STT3B: variants seen among roughly 807,000 people sequenced by gnomAD.
STT3B encodes dolichyl-diphosphooligosaccharide--protein glycosyltransferase subunit STT3B.
In STT3B, 29 loss-of-function variants were observed where a neutral mutation model predicts 96.8. The ratio of observed to expected loss-of-function variants is 0.30; its 90% CI spans 0.22 to 0.41. The LOEUF (loss-of-function observed/expected upper bound fraction) is 0.41, where lower values mean the gene tolerates loss of function less well. STT3B is among the 10% of genes least tolerant of loss of function. The pLI is 1.00. For synonymous variants in STT3B, 367 were observed against 360.0 expected, an observed-to-expected ratio of 1.02 and a Z score of -0.22; for missense variants, 640 against 1,022.3, an observed-to-expected ratio of 0.63 and a Z score of 5.10.
At chr3:31,601,521 G>C (rs1698927727) in intron 5 of STT3B, among the ~76,000 whole-genome samples, 1 of 152,190 alleles carries the variant, frequency 6.6e-6, no homozygotes, top group Admixed American at 6.5e-5. Context: ...ACAGAAAGTA[G>C]AGTTTGTGGG....
rs374392339 is a variant in STT3B, at chr3:31,618,142, T to C, written c.1172+154T>C. Among the ~76,000 whole-genome samples, 5 of 152,238 alleles carry C rather than the reference T, an allele frequency of 3.3e-5. No homozygotes were observed. In the South Asian group the frequency reaches 6.2e-4, roughly 19 times the overall value. ...TAAATGTTAAATTCCTTTTACTTTA[T>C]CTTGTTATGATACCTGTTCTGAATG... On this transcript the variant is annotated intron_variant, in intron 8 of 15. Transcript: ENST00000295770.
chr3:31,633,475 T>G (rs1374156172), intron 15 of STT3B, among the ~76,000 whole-genome samples: 1 of 152,202 alleles, frequency 6.6e-6, no homozygotes, highest in Non-Finnish European at 1.5e-5. Context: ...AATTCTCATC[T>G]TTTGAGCAGA....
intron 5 of STT3B, among the ~76,000 whole-genome samples, chr3:31,602,090 C>T (rs552022276): frequency 6.6e-6 from 1 of 152,240 alleles, no homozygotes; most frequent in African/African-American, 2.4e-5. Flanking sequence ...TGCCACTGCA[C>T]TCCAGCCTGG....
intron 1 of STT3B, among the ~76,000 whole-genome samples, chr3:31,547,517 A>C (rs1697445731): frequency 6.6e-6 from 1 of 152,112 alleles, no homozygotes; most frequent in African/African-American, 2.4e-5. Context: ...ATGGTGGTGC[A>C]TGCCTGTAAT....
rs149445791 is a variant in STT3B at position 31,629,186 on chromosome 3, C to T, written c.2074-112C>T. On this transcript the variant is annotated intron_variant, in intron 13 of 15. Transcript: ENST00000295770. ...TTTTTTGAGGTGTAACTGAATATGG[C>T]TTTATAAAGATACCTCAGAAGCTTA... The T allele has an allele frequency of 1.4e-3, 920 of 677,900 alleles. 4 individuals are homozygous for T. The African/African-American group carries it at 0.016, about 12-fold the overall frequency. The allele number at this position is 677,900 out of a possible 1,614,324, so 42.0% of individuals were successfully genotyped here.
Position 31,617,962 on chromosome 3 carries a change from C to T in STT3B, c.1146C>T (p.Gly382=), listed in dbSNP as rs1168382830. The part of the protein sequence containing the change: ...TYTGYIAPWS[G]RFYSLWDTGY... ...AAGGTTACATTGCACCATGGAGTGGCAGGTTTTATTCATTGTGGGATACTG... is the reference window on the plus strand; with the variant it reads ...AAGGTTACATTGCACCATGGAGTGGTAGGTTTTATTCATTGTGGGATACTG... The change falls in exon 8 of 16, where the codon GGC becomes GGT. Residue 382 remains glycine, a synonymous_variant. Transcript: ENST00000295770. 8 of 1,606,532 alleles carry T rather than the reference C, an allele frequency of 5.0e-6. No homozygotes were observed. The highest frequency in any genetic ancestry group is 1.7e-5 in the Admixed American group (1 of 59,914).
At chr3:31,543,459 A>G (rs1192308600) in intron 1 of STT3B, among the ~76,000 whole-genome samples, 1 of 152,238 alleles carries the variant, frequency 6.6e-6, no homozygotes, top group Non-Finnish European at 1.5e-5. Flanking sequence ...ACACAGTATT[A>G]GGAACATAGT....
At chr3:31,606,046 G>GAA (rs1189937792) in intron 5 of STT3B, among the ~76,000 whole-genome samples, 2 of 152,234 alleles carry the variant, frequency 1.3e-5, no homozygotes, top group Admixed American at 6.5e-5. Flanking sequence ...CTGCCCTAGA[G>GAA]ATTTGTGGAA....
At chr3:31,574,782 T>C (rs1261428964) in intron 1 of STT3B, among the ~76,000 whole-genome samples, 2 of 152,176 alleles carry the variant, frequency 1.3e-5, no homozygotes, top group Admixed American at 6.5e-5. Flanking sequence ...ATTTTGTCAT[T>C]CCTTTGTAGA....
intron 2 of STT3B, among the ~76,000 whole-genome samples, chr3:31,577,788 A>G (rs1285052532): frequency 2.0e-5 from 3 of 152,146 alleles, no homozygotes; most frequent in Admixed American, 6.6e-5. Flanking sequence ...AATGGGTAGT[A>G]CATACGGCAG....
At chr3:31,549,746 T>C (rs1437299523) in intron 1 of STT3B, among the ~76,000 whole-genome samples, 2 of 152,198 alleles carry the variant, frequency 1.3e-5, no homozygotes, top group Admixed American at 6.5e-5. Context: ...ATAACATGTT[T>C]ACATATAATA....
chr3:31,616,751 AT>A (rs1253938772), intron 6 of STT3B, among the ~76,000 whole-genome samples, 177 bp from the exon 7 acceptor site: 2 of 151,950 alleles, frequency 1.3e-5, no homozygotes, highest in East Asian at 3.9e-4. Context: ...AAGTCACAGA[AT>A]TTTTTGGATG....
At chr3:31,549,003 T>C (rs1332958593) in intron 1 of STT3B, among the ~76,000 whole-genome samples, 3 of 152,188 alleles carry the variant, frequency 2.0e-5, no homozygotes, top group Non-Finnish European at 2.9e-5. Context: ...TTTAATCTGG[T>C]ATTTACCGTA....
chr3:31,535,148 CTG>C (rs1036750627), intron 1 of STT3B, among the ~76,000 whole-genome samples: 19 of 152,092 alleles, frequency 1.2e-4, no homozygotes, highest in Admixed American at 1.2e-3. Flanking sequence ...AATAGTAACT[CTG>C]GGGCTGAAAT....
intron 1 of STT3B, among the ~76,000 whole-genome samples, chr3:31,568,809 CT>C (rs1431610049): frequency 6.6e-6 from 1 of 152,118 alleles, no homozygotes; most frequent in Non-Finnish European, 1.5e-5. Context: ...ATGATTGGAT[CT>C]CTGACAAGAT....
chr3:31,621,659 T>TA (rs1266649916), intron 9 of STT3B, among the ~76,000 whole-genome samples: 2 of 152,222 alleles, frequency 1.3e-5, no homozygotes, highest in Admixed American at 6.5e-5. Flanking sequence ...ATTAATAACT[T>TA]ACGTTCTTCT....
intron 1 of STT3B, among the ~76,000 whole-genome samples, chr3:31,547,173 A>G (rs1277127213): frequency 1.3e-5 from 2 of 152,094 alleles, no homozygotes; most frequent in Non-Finnish European, 2.9e-5. Flanking sequence ...TTCAGCCCCA[A>G]GTTCTTTCTA....
intron 4 of STT3B, among the ~76,000 whole-genome samples, chr3:31,597,264 A>G (rs1456002656): frequency 1.3e-5 from 2 of 152,130 alleles, no homozygotes; most frequent in East Asian, 3.9e-4. Flanking sequence ...GGTTCAAGCA[A>G]TTCTCCTGCC....
chr3:31,635,207 A>G (rs1699734768), intron 15 of STT3B, among the ~76,000 whole-genome samples: 1 of 152,116 alleles, frequency 6.6e-6, no homozygotes, highest in Non-Finnish European at 1.5e-5. Flanking sequence ...TTCAAAAAAT[A>G]TTTGCTGTCT....
Sources: gnomAD v4.1 joint callset for allele counts (sites outside exome capture counted in the v4.1 genomes callset) on GRCh38, gnomAD v4.1.1 for gene constraint, MANE v1.5 for transcripts, NCBI Gene and HGNC (gene_info 2026-07-23, HGNC 2026-07-21) for gene names.